The following KCNQ1 variants were observed in gnomAD, a reference collection of about 807,000 sequenced individuals.
The protein encoded by KCNQ1 is potassium voltage-gated channel subfamily Q member 1, also known as potassium voltage-gated channel subfamily KQT member 1.
In KCNQ1, 49 loss-of-function variants were observed where a neutral mutation model predicts 72.4. The ratio of observed to expected loss-of-function variants is 0.68; its 90% CI spans 0.54 to 0.86. The LOEUF is 0.86. Among genes scored for constraint, KCNQ1 ranks in the 40% least tolerant of loss-of-function variants. KCNQ1 has a pLI of 0.00. For missense variants in KCNQ1, 790 were observed against 945.1 expected (o/e 0.84, Z 2.15); for synonymous variants, 450 against 412.6 (o/e 1.09, Z -1.10).
chr11:2,718,035 G>C (rs1414781532), intron 11 of KCNQ1, among the ~76,000 whole-genome samples: 3 of 152,206 alleles, frequency 2.0e-5, no homozygotes, highest in Non-Finnish European at 2.9e-5. Flanking sequence ...TTTGTTGATG[G>C]GTGTAGTCTC....
In KCNQ1 at chr11:2,796,825, C is replaced by T. The variant is rs558329937; in HGVS notation, c.1794+18788C>T. ...CCCCACTGCTGCGCCGTCCCTCCTG[C>T]GCCACCTGACAGATGTGGCGGTGAG... On this transcript the variant is annotated intron_variant, in intron 15 of 15. Transcript: ENST00000155840. Among the ~76,000 whole-genome samples, 9 of 152,206 alleles carry T rather than the reference C, an allele frequency of 5.9e-5. No homozygotes were observed. The South Asian group carries it at 6.2e-4, about 10-fold the overall frequency.
intron 10 of KCNQ1, chr11:2,634,397 C>G (rs1222960092): frequency 4.5e-6 from 1 of 223,956 alleles, no homozygotes; most frequent in African/African-American, 2.3e-5. Flanking sequence ...TCTCATTGTT[C>G]AGTTCCCACC....
chr11:2,807,159 C>T (rs557703479), intron 15 of KCNQ1, among the ~76,000 whole-genome samples: 2 of 152,348 alleles, frequency 1.3e-5, no homozygotes, highest in East Asian at 3.9e-4. Flanking sequence ...TAATTATTCT[C>T]TTGAGGAAAG....
In KCNQ1 at chr11:2,751,186, T is replaced by C. The variant is rs565380231; in HGVS notation, c.1515-17658T>C. On this transcript the variant is annotated intron_variant, in intron 11 of 15. Coordinates refer to ENST00000155840, the MANE Select transcript of KCNQ1 (RefSeq NM_000218.3). ...TTTTGCCGGGCTCCGCTCGTCCCTC[T>C]GAGCGGAGGGTCACCCTGGTCACCA... Among the ~76,000 whole-genome samples the C allele has an allele frequency of 3.9e-5, 6 of 152,304 alleles. No individual in the cohort carries two copies. In the South Asian group the frequency reaches 1.2e-3, roughly 32 times the overall value.
At chr11:2,476,538 A>C (rs2133605561) in intron 1 of KCNQ1, among the ~76,000 whole-genome samples, 2 of 152,346 alleles carry the variant, frequency 1.3e-5, no homozygotes, top group Middle Eastern at 3.4e-3. Context: ...AATAGGAAAC[A>C]GGAAAACAGA....
chr11:2,700,949 TG>T (rs1850800808), intron 11 of KCNQ1, among the ~76,000 whole-genome samples: 1 of 152,240 alleles, frequency 6.6e-6, no homozygotes, highest in African/African-American at 2.4e-5. Flanking sequence ...GAGGCTTCCC[TG>T]GCAAGGCTGG....
In KCNQ1 at chr11:2,682,257, A is replaced by G. The variant is rs1430080850; in HGVS notation, c.1514+20176A>G. On this transcript the variant is annotated intron_variant, in intron 11 of 15. Coordinates refer to ENST00000155840, the MANE Select transcript of KCNQ1 (RefSeq NM_000218.3). The surrounding 1 kb of genome is among the most constrained non-coding windows in gnomAD (Gnocchi z 5.8). ...AAATGTCCCTTCCTCAGAGGAGCCA[A>G]TTTCTAAAGCTTAAGACTGGGCTGT... 1 of 398,282 alleles carries G rather than the reference A, an allele frequency of 2.5e-6. No homozygotes were observed. Among genetic ancestry groups the G allele is most frequent in the Admixed American group, 4.4e-5 (1 of 22,712 alleles). The allele number at this position is 398,282 out of a possible 1,614,324, so 24.7% of individuals were successfully genotyped here.
At chr11:2,765,525 T>C (rs1253283528) in intron 11 of KCNQ1, among the ~76,000 whole-genome samples, 1 of 152,238 alleles carries the variant, frequency 6.6e-6, no homozygotes, top group African/African-American at 2.4e-5. Flanking sequence ...CTGTTCAAAT[T>C]TGTCTCTGAC....
At chr11:2,775,863 C>A in intron 12 of KCNQ1, 97 bp from the exon 13 acceptor site, 1 of 1,238,790 alleles carries the variant, frequency 8.1e-7, no homozygotes, top group Non-Finnish European at 1.2e-6. Context: ...CAGGTCTTCA[C>A]AAGCCTCCCG....
In KCNQ1 at chr11:2,642,382, C is replaced by A; in HGVS notation, c.1394-19579C>A. 2.5e-6 allele frequency: 1 copy of A among 398,098 alleles called. No individual in the cohort carries two copies. The highest frequency in any genetic ancestry group is 1.3e-4 in the South Asian group (1 of 7,836). The allele number at this position is 398,098 out of a possible 1,614,324, so 24.7% of individuals were successfully genotyped here. The stretch of plus-strand genomic sequence containing the variant: ...TTGTAGTGGTTGTAAAAGATAATGC[C>A]TTCTTGATTTCTTTCTCAGCTGGTT... On this transcript the variant is annotated intron_variant, in intron 10 of 15. Transcript: ENST00000155840. This position sits in a 1 kb window ranked among gnomAD's most constrained non-coding sequence, Gnocchi z 4.3.
Position 2,537,960 on chromosome 11 carries a change from C to T in KCNQ1, c.477+9942C>T, listed in dbSNP as rs1477487803. 6.6e-6 allele frequency among the ~76,000 whole-genome samples: 1 copy of T among 152,188 alleles called. No individual in the cohort carries two copies. Among genetic ancestry groups the T allele is most frequent in the African/African-American group, 2.4e-5 (1 of 41,432 alleles). On this transcript the variant is annotated intron_variant, in intron 2 of 15. Transcript: ENST00000155840. The surrounding 1 kb of genome is among the most constrained non-coding windows in gnomAD (Gnocchi z 5.2). The stretch of plus-strand genomic sequence containing the variant: ...TAAACTCCTGAGTTCAAACAATCCT[C>T]CCACCTCGGCCAACCCAAAGTGCTG...
chr11:2,803,694 C>G lies in KCNQ1; in HGVS notation c.1794+25657C>G, dbSNP rs958379829. ...TCCCCCAAATGCCCAGGGCTGTGGC[C>G]TGCCCAGACTTGCCAGGGAGCTCCT... is the stretch of plus-strand genomic sequence containing the variant. On this transcript the variant is annotated intron_variant, in intron 15 of 15. Transcript: ENST00000155840. The surrounding 1 kb of genome is among the most constrained non-coding windows in gnomAD (Gnocchi z 6.4). Among the ~76,000 whole-genome samples, 1 of 152,168 alleles carries G rather than the reference C, an allele frequency of 6.6e-6. No homozygotes were observed. The highest frequency in any genetic ancestry group is 6.5e-5 in the Admixed American group (1 of 15,284).
intron 15 of KCNQ1, chr11:2,840,124 T>TAAACA (rs3987738): frequency 6.6e-6 from 1 of 151,668 alleles, no homozygotes; most frequent in Admixed American, 6.6e-5. Flanking sequence ...ACCAATAACA[T>TAAACA]AAACAATCAA....
At chr11:2,741,699 G>A (rs1341135940) in intron 11 of KCNQ1, among the ~76,000 whole-genome samples, 1 of 152,242 alleles carries the variant, frequency 6.6e-6, no homozygotes, top group Non-Finnish European at 1.5e-5. Context: ...GCTGTGAGTG[G>A]GGGCAGGCTG....
At chr11:2,685,496 C>T (rs1590031383) in intron 11 of KCNQ1, 2 of 398,870 alleles carry the variant, frequency 5.0e-6, no homozygotes, top group East Asian at 7.1e-5. Flanking sequence ...CAGCAAGTTG[C>T]TCACATCCAG....
At chr11:2,719,900 G>C (rs865889050) in intron 11 of KCNQ1, among the ~76,000 whole-genome samples, 3 of 152,242 alleles carry the variant, frequency 2.0e-5, no homozygotes, top group African/African-American at 4.8e-5. Context: ...GACGGAAATG[G>C]ACACAGATCA....
intron 2 of KCNQ1, among the ~76,000 whole-genome samples, chr11:2,568,883 T>A (rs1020050009): frequency 4.6e-5 from 7 of 150,666 alleles, no homozygotes; most frequent in Non-Finnish European, 7.4e-5. Flanking sequence ...TTGATTTTTG[T>A]TTTTCGTTTT....
In KCNQ1 at chr11:2,784,225, A is replaced by G. The variant is rs1237450409; in HGVS notation, c.1794+6188A>G. On this transcript the variant is annotated intron_variant, in intron 15 of 15. Coordinates refer to ENST00000155840, the MANE Select transcript of KCNQ1 (RefSeq NM_000218.3). This position sits in a 1 kb window ranked among gnomAD's most constrained non-coding sequence, Gnocchi z 4.7. ...GATTTGTTTTGTTTTATTCTTACTT[A>G]TGGATATCCAATTGCCCCAGAACAT... Among the ~76,000 whole-genome samples the G allele has an allele frequency of 6.6e-6, 1 of 151,916 alleles. No individual in the cohort carries two copies. The highest frequency in any genetic ancestry group is 2.4e-5 in the African/African-American group (1 of 41,446).
intron 11 of KCNQ1, among the ~76,000 whole-genome samples, chr11:2,717,989 A>G (rs1290776460): frequency 6.6e-6 from 1 of 152,220 alleles, no homozygotes; most frequent in African/African-American, 2.4e-5. Flanking sequence ...AAGGCTGCGA[A>G]AGCTGCGTCT....
Sources: gnomAD v4.1 joint callset for allele counts (sites outside exome capture counted in the v4.1 genomes callset) on GRCh38, gnomAD v4.1.1 for gene constraint, Gnocchi (gnomAD v3.1) non-coding constraint, MANE v1.5 for transcripts, NCBI Gene and HGNC (gene_info 2026-07-23, HGNC 2026-07-21) for gene names.